Variants in KIF1A observed in about 807,000 individuals in gnomAD.
The protein encoded by KIF1A is kinesin family member 1A, also known as kinesin-like protein KIF1A.
KIF1A carries 46 observed loss-of-function variants against 227.3 expected under a neutral mutation model. The ratio of observed to expected loss-of-function variants is 0.20; its 90% CI spans 0.16 to 0.26. KIF1A has a LOEUF of 0.26. Among genes scored for constraint, KIF1A ranks in the 10% least tolerant of loss-of-function variants. KIF1A has a pLI of 1.00. For missense variants in KIF1A, 1,683 were observed against 2,485.9 expected (o/e 0.68, Z 6.87); for synonymous variants, 1,022 against 1,012.8 (o/e 1.01, Z -0.17).
At chr2:240,774,763 G>A (rs879289091) in intron 11 of KIF1A, among the ~76,000 whole-genome samples, 4 of 152,126 alleles carry the variant, frequency 2.6e-5, no homozygotes, top group Non-Finnish European at 4.4e-5. Context: ...TCTCTTGAGG[G>A]AATCCTGTCT....
chr2:240,729,845 C>T (rs2046408328), intron 38 of KIF1A, among the ~76,000 whole-genome samples: 1 of 152,216 alleles, frequency 6.6e-6, no homozygotes, highest in Admixed American at 6.5e-5. Context: ...GGGCCCTTTC[C>T]AGACCACTGT....
chr2:240,742,798 T>C, intron 34 of KIF1A, 131 bp downstream of exon 34: 1 of 788,560 alleles, frequency 1.3e-6, no homozygotes, highest in Non-Finnish European at 2.1e-6. Context: ...AGGCTCAGGG[T>C]GGCGCCAGAG....
At chr2:240,798,878 A>G (rs1402654355) in intron 1 of KIF1A, among the ~76,000 whole-genome samples, 2 of 152,214 alleles carry the variant, frequency 1.3e-5, no homozygotes, top group African/African-American at 2.4e-5. Context: ...TTGCTGTCTA[A>G]ATGCTCTAGG....
chr2:240,745,843 G>GCATCCAGGGGCC lies in KIF1A; in HGVS notation c.3257_3268dup (p.Gly1086_Asp1089dup). The GCATCCAGGGGCC allele has an allele frequency of 1.2e-6, 2 of 1,612,558 alleles. No homozygotes were observed. Among genetic ancestry groups the GCATCCAGGGGCC allele is most frequent in the Non-Finnish European group, 1.7e-6 (2 of 1,179,514 alleles). Reference sequence around the variant, plus strand: ...GCCCAGGCGGAGGTGGTCCAGGGCAGCATCCAGGGGCCCATCCAGGGCGGC... The same window carrying GCATCCAGGGGCC: ...GCCCAGGCGGAGGTGGTCCAGGGCAGCATCCAGGGGCCCATCCAGGGGCCCATCCAGGGCGGC... On this transcript the variant is annotated inframe_insertion, in exon 31 of 49. Coordinates refer to ENST00000498729, the MANE Select transcript of KIF1A (RefSeq NM_001244008.2).
chr2:240,750,671 ACAGGACAGCCAAGGC>A, intron 27 of KIF1A, 124 bp from the exon 28 acceptor site: 4 of 720,788 alleles, frequency 5.5e-6, no homozygotes, highest in Admixed American at 4.5e-5. Context: ...AAGCCGCCGG[ACAGGACAGCCAAGGC>A]CAGGACAGCA....
At chr2:240,747,109 G>A (rs1461438868) in intron 29 of KIF1A, 127 bp downstream of exon 29, 4 of 648,072 alleles carry the variant, frequency 6.2e-6, no homozygotes, top group Middle Eastern at 4.0e-4. Flanking sequence ...CTGGACCAGA[G>A]GGAAGAACCC....
At chr2:240,748,984 G>T (rs1228598899) in intron 28 of KIF1A, among the ~76,000 whole-genome samples, 2 of 152,112 alleles carry the variant, frequency 1.3e-5, no homozygotes, top group African/African-American at 2.4e-5. Flanking sequence ...AGCTGGGCGT[G>T]ATGACGCACC....
chr2:240,751,292 G>T (rs1214297316), intron 27 of KIF1A, among the ~76,000 whole-genome samples: 1 of 152,136 alleles, frequency 6.6e-6, no homozygotes, highest in Admixed American at 6.5e-5. Context: ...AAGACCCCAC[G>T]CCACACAGCC....
In KIF1A at chr2:240,726,794, T is replaced by G; in HGVS notation, c.4122+32A>C. On this transcript the variant is annotated intron_variant, in intron 39 of 48. Transcript: ENST00000498729. This position sits in a 1 kb window ranked among gnomAD's most constrained non-coding sequence, Gnocchi z 5.2. ...CCTCAAGCTTCAGGGGCTGAGTGGT[T>G]TTGGTGGAGTGCCCTGGCATAGGTG... 1.5e-6 allele frequency: 2 copies of G among 1,371,362 alleles called. No homozygotes were observed. The highest frequency in any genetic ancestry group is 1.2e-5 in the South Asian group (1 of 82,366). The allele number at this position is 1,371,362 out of a possible 1,614,324, so 84.9% of individuals were successfully genotyped here. A position where few individuals can be genotyped will look rare whatever the true frequency, so the allele number is the denominator to read the frequency against.
In KIF1A at chr2:240,741,271, G is replaced by C. The variant is rs1347922421; in HGVS notation, c.3747C>G (p.Gly1249=). The C allele has an allele frequency of 6.3e-7, 1 of 1,584,288 alleles. No homozygotes were observed. The highest frequency in any genetic ancestry group is 8.6e-7 in the Non-Finnish European group (1 of 1,168,212). The change falls in exon 35 of 49, where the codon GGC becomes GGG. Residue 1249 remains glycine, a splice_region_variant and synonymous_variant. Coordinates refer to ENST00000498729, the MANE Select transcript of KIF1A (RefSeq NM_001244008.2). ...YFEICELEAN[G]DYIPAVVDHR... Reference sequence around the variant, plus strand: ...GGGGCCCCAGCACCAGCACTCACTCGCCGTTGGCCTCCAGCTCACAGATCT... The same window carrying C: ...GGGGCCCCAGCACCAGCACTCACTCCCCGTTGGCCTCCAGCTCACAGATCT...
At position 240,725,694 on chromosome 2, in the gene KIF1A, C is replaced by T. The variant is rs2045935019; in HGVS notation, c.4123-290G>A. 2 of 355,184 alleles carry T rather than the reference C, an allele frequency of 5.6e-6. No homozygotes were observed. Among genetic ancestry groups the T allele is most frequent in the Non-Finnish European group, 1.0e-5 (2 of 196,994 alleles). The allele number at this position is 355,184 out of a possible 1,614,324, so 22.0% of individuals were successfully genotyped here. A position where few individuals can be genotyped will look rare whatever the true frequency, so the allele number is the denominator to read the frequency against. ...CCAGACATAGGCTCACTGCTCGGGC[C>T]TCAGCTGCCTCACCATAAAATTGGG... On this transcript the variant is annotated intron_variant, in intron 39 of 48. Transcript: ENST00000498729. The surrounding 1 kb of genome is among the most constrained non-coding windows in gnomAD (Gnocchi z 5.8).
At position 240,788,538 on chromosome 2, in the gene KIF1A, G is replaced by A. The variant is rs780209672; in HGVS notation, c.184-308C>T. Among the ~76,000 whole-genome samples the A allele has an allele frequency of 1.4e-4, 21 of 152,156 alleles. No individual in the cohort carries two copies. The highest frequency in any genetic ancestry group is 2.6e-4 in the Admixed American group (4 of 15,272). ...AAGCCAAAGTAAGTTCCATGTGACC[G>A]TGACAAGCAGGGGTGACAAGAGCTG... On this transcript the variant is annotated intron_variant, in intron 3 of 48. Transcript: ENST00000498729. The surrounding 1 kb of genome is among the most constrained non-coding windows in gnomAD (Gnocchi z 6.6).
In KIF1A at chr2:240,719,093, G is replaced by A; in HGVS notation, c.5127C>T (p.Asn1709=). ...ACCGCTCCACGGTGTCCTTGTCGCT[G>A]TTGTACATGTAGGCATAGGGGCGCC... is the stretch of plus-strand genomic sequence containing the variant. The part of the protein sequence containing the change: ...VVRRPYAYMY[N]SDKDTVERFV... Residue 1709 remains asparagine, a synonymous_variant, in exon 47 of 49, where the codon AAC becomes AAT. Coordinates refer to ENST00000498729, the MANE Select transcript of KIF1A (RefSeq NM_001244008.2). 6.2e-7 allele frequency: 1 copy of A among 1,612,696 alleles called. No individual in the cohort carries two copies. The highest frequency in any genetic ancestry group is 8.5e-7 in the Non-Finnish European group (1 of 1,179,788).
rs2045928726 is a variant in KIF1A at position 240,725,641 on chromosome 2, G to T, written c.4123-237C>A. The stretch of plus-strand genomic sequence containing the variant: ...CACCCCTGGGCTGCCTGAGGGACTG[G>T]TCTCCATGTGTGGGGACCCCGAGGG... On this transcript the variant is annotated intron_variant, in intron 39 of 48. Coordinates refer to ENST00000498729, the MANE Select transcript of KIF1A (RefSeq NM_001244008.2). This position sits in a 1 kb window ranked among gnomAD's most constrained non-coding sequence, Gnocchi z 5.8. 1.9e-6 allele frequency: 1 copy of T among 520,484 alleles called. No individual in the cohort carries two copies. Among genetic ancestry groups the T allele is most frequent in the Non-Finnish European group, 3.4e-6 (1 of 294,426 alleles). The allele number at this position is 520,484 out of a possible 1,614,324, so 32.2% of individuals were successfully genotyped here. A position where few individuals can be genotyped will look rare whatever the true frequency, so the allele number is the denominator to read the frequency against.
rs1454645612 is a variant in KIF1A at position 240,769,051 on chromosome 2, C to A, written c.1497+82G>T. 4 of 1,242,236 alleles carry A rather than the reference C, an allele frequency of 3.2e-6. No individual in the cohort carries two copies. The East Asian group carries it at 1.0e-4, about 31-fold the overall frequency. The allele number at this position is 1,242,236 out of a possible 1,614,324, so 77.0% of individuals were successfully genotyped here. A position where few individuals can be genotyped will look rare whatever the true frequency, so the allele number is the denominator to read the frequency against. On this transcript the variant is annotated intron_variant, in intron 17 of 48. Transcript: ENST00000498729. The stretch of plus-strand genomic sequence containing the variant: ...ACCGTGCTCCCCTACTTCCAGGAGC[C>A]CCCTCTGGCTCTACCTGAGACAGCA...
intron 28 of KIF1A, chr2:240,748,602 G>C: frequency 4.6e-6 from 1 of 218,372 alleles, no homozygotes; most frequent in Non-Finnish European, 1.1e-5. Flanking sequence ...CTCCTGGAGG[G>C]GAGACAGAGG....
intron 11 of KIF1A, 109 bp from the exon 12 acceptor site, chr2:240,774,370 G>T: frequency 3.6e-6 from 2 of 561,610 alleles, no homozygotes; most frequent in Non-Finnish European, 6.5e-6. Context: ...GGCCCAGAGA[G>T]GTAAACTGAG....
intron 10 of KIF1A, among the ~76,000 whole-genome samples, chr2:240,782,381 G>A (rs1175841585): frequency 6.6e-6 from 1 of 152,100 alleles, no homozygotes; most frequent in African/African-American, 2.4e-5. Context: ...CTGCCGTGAG[G>A]CCGCCCCGGA....
rs116297894 is a variant in KIF1A at position 240,747,320 on chromosome 2, G to A, written c.2979C>T (p.Ala993=). ...FLRVAVQAIS[A]DEEAPDYGSG... Reference sequence around the variant, plus strand: ...AGCCATAATCAGGGGCCTCTTCATCGGCTGCAGGAGAAACAGAGCAAATGG... The same window carrying A: ...AGCCATAATCAGGGGCCTCTTCATCAGCTGCAGGAGAAACAGAGCAAATGG... Residue 993 remains alanine (A), a splice_region_variant and synonymous_variant, in exon 29 of 49, where the codon GCC becomes GCT. Coordinates refer to ENST00000498729, the MANE Select transcript of KIF1A (RefSeq NM_001244008.2). The A allele has an allele frequency of 2.8e-3, 4,573 of 1,612,432 alleles. 67 individuals are homozygous for A. In the African/African-American group the frequency reaches 0.046, roughly 16 times the overall value.
Sources: gnomAD v4.1 joint callset for allele counts (sites outside exome capture counted in the v4.1 genomes callset) on GRCh38, gnomAD v4.1.1 for gene constraint, Gnocchi (gnomAD v3.1) non-coding constraint, MANE v1.5 for transcripts, NCBI Gene and HGNC (gene_info 2026-07-23, HGNC 2026-07-21) for gene names.